The following FSTL4 variants were observed in gnomAD, a reference collection of about 807,000 sequenced individuals.
The protein encoded by FSTL4 is follistatin like 4, also known as follistatin-related protein 4.
FSTL4 carries 28 observed loss-of-function variants against 78.2 expected under a neutral mutation model. The observed-to-expected ratio is 0.36, with a 90% CI of 0.27 to 0.49. The LOEUF is 0.49. FSTL4 is among the 20% of genes least tolerant of loss of function. The pLI, the probability that FSTL4 is intolerant of heterozygous loss-of-function variation, is 0.98. For synonymous variants in FSTL4, 422 were observed against 440.5 expected, an observed-to-expected ratio of 0.96 and a Z score of 0.53; for missense variants, 922 against 1,084.9, an observed-to-expected ratio of 0.85 and a Z score of 2.11.
chr5:133,312,280 G>A, intron 6 of FSTL4: 1 of 184,890 alleles, frequency 5.4e-6, no homozygotes, highest in East Asian at 1.5e-4. Flanking sequence ...TTTTCTCCAG[G>A]TAGGGCTCCC....
intron 3 of FSTL4, among the ~76,000 whole-genome samples, chr5:133,478,813 G>T (rs1406432399): frequency 6.6e-6 from 1 of 152,108 alleles, no homozygotes; most frequent in Admixed American, 6.5e-5. Flanking sequence ...ATTGCTAAAT[G>T]GAAAGGAGGG....
intron 7 of FSTL4, among the ~76,000 whole-genome samples, chr5:133,238,365 A>T (rs530918447): frequency 1.3e-5 from 2 of 152,192 alleles, no homozygotes; most frequent in Non-Finnish European, 2.9e-5. Flanking sequence ...CAATCCTTCA[A>T]TTCTGGCCCC....
At chr5:133,421,911 T>C (rs1580698144) in intron 3 of FSTL4, among the ~76,000 whole-genome samples, 1 of 151,958 alleles carries the variant, frequency 6.6e-6, no homozygotes, top group Non-Finnish European at 1.5e-5. Flanking sequence ...AGGCGGGAAG[T>C]GATAAGTACC....
chr5:133,621,138 T>C, the FSTL4 span, among the ~76,000 whole-genome samples: 4 of 152,274 alleles, frequency 2.6e-5, no homozygotes, highest in South Asian at 2.1e-4. Context: ...TGGTGGCTCA[T>C]GCCTGTAATC....
intron 3 of FSTL4, among the ~76,000 whole-genome samples, chr5:133,492,137 C>T (rs1758278553): frequency 6.6e-6 from 1 of 152,110 alleles, no homozygotes; most frequent in Non-Finnish European, 1.5e-5. Context: ...GACTTAACGC[C>T]TAAAGTTTTT....
chr5:133,839,522 A>T, the FSTL4 span, among the ~76,000 whole-genome samples: 1 of 146,586 alleles, frequency 6.8e-6, no homozygotes, highest in Non-Finnish European at 1.5e-5. Flanking sequence ...TTAATGACAG[A>T]AAGTGGGTTG....
the FSTL4 span, among the ~76,000 whole-genome samples, chr5:133,768,425 C>A: frequency 6.6e-6 from 1 of 152,140 alleles, no homozygotes; most frequent in Non-Finnish European, 1.5e-5. Flanking sequence ...GCTCCATGAA[C>A]CTATGAAGGA....
intron 6 of FSTL4, among the ~76,000 whole-genome samples, chr5:133,311,691 C>A (rs188702752): frequency 1.3e-5 from 2 of 152,180 alleles, no homozygotes; most frequent in Non-Finnish European, 2.9e-5. Flanking sequence ...GGGAGGATAC[C>A]AGGCTCTGTG....
intron 6 of FSTL4, among the ~76,000 whole-genome samples, chr5:133,285,391 G>T (rs1014974485): frequency 6.6e-6 from 1 of 152,202 alleles, no homozygotes. Flanking sequence ...GTTCAGTCAG[G>T]TGCCAGCTGG....
At chr5:133,772,531 T>A in the FSTL4 span, among the ~76,000 whole-genome samples, 2 of 152,174 alleles carry the variant, frequency 1.3e-5, no homozygotes, top group Non-Finnish European at 2.9e-5. Flanking sequence ...GAGTAATTTA[T>A]GATGAACAGA....
At chr5:133,642,515 A>G in the FSTL4 span, among the ~76,000 whole-genome samples, 2 of 152,184 alleles carry the variant, frequency 1.3e-5, no homozygotes, top group South Asian at 4.1e-4. Flanking sequence ...TCCATGATAC[A>G]TGATCCTTAA....
At chr5:133,265,531 G>A (rs1752623758) in intron 6 of FSTL4, among the ~76,000 whole-genome samples, 1 of 152,256 alleles carries the variant, frequency 6.6e-6, no homozygotes, top group African/African-American at 2.4e-5. Flanking sequence ...CTCTGGGGCA[G>A]GGGTGGGGCA....
chr5:133,751,381 A>G, the FSTL4 span, among the ~76,000 whole-genome samples: 1 of 152,246 alleles, frequency 6.6e-6, no homozygotes, highest in Admixed American at 6.5e-5. Flanking sequence ...TTGTCATTCC[A>G]GTGGCCTAGT....
chr5:133,425,846 C>A (rs1756801895), intron 3 of FSTL4, among the ~76,000 whole-genome samples: 1 of 152,182 alleles, frequency 6.6e-6, no homozygotes, highest in Non-Finnish European at 1.5e-5. Context: ...TTGTCCACTG[C>A]ACGATAAGCC....
At chr5:133,560,547 T>A (rs1401639573) in intron 3 of FSTL4, among the ~76,000 whole-genome samples, 1 of 152,016 alleles carries the variant, frequency 6.6e-6, no homozygotes, top group Non-Finnish European at 1.5e-5. Context: ...GTATTTTTAG[T>A]AGAGACGGGG....
At position 133,217,441 on chromosome 5, in the gene FSTL4, T is replaced by C. The variant is rs559317758; in HGVS notation, c.1459-63A>G. 39 of 1,482,772 alleles carry C rather than the reference T, an allele frequency of 2.6e-5. No individual in the cohort carries two copies. In the South Asian group the frequency reaches 4.4e-4, roughly 17 times the overall value. 91.9% of individuals were successfully genotyped at this position (1,482,772 alleles called of 1,614,324 possible). On this transcript the variant is annotated intron_variant, in intron 12 of 15. Transcript: ENST00000265342. ...GCCCTTTCCCTCCAACATCTCTAGG[T>C]ACTCTCTCCCCTGACCCTCCTCTGT... is the stretch of plus-strand genomic sequence containing the variant.
chr5:133,679,011 A>G, the FSTL4 span, among the ~76,000 whole-genome samples: 1 of 152,216 alleles, frequency 6.6e-6, no homozygotes, highest in African/African-American at 2.4e-5. Flanking sequence ...AAATCTGCTC[A>G]GCAACATAGC....
At chr5:133,734,699 C>A in the FSTL4 span, among the ~76,000 whole-genome samples, 1 of 152,116 alleles carries the variant, frequency 6.6e-6, no homozygotes, top group South Asian at 2.1e-4. Context: ...CGTGGTGAGC[C>A]CTTTCAATTT....
intron 6 of FSTL4, among the ~76,000 whole-genome samples, chr5:133,289,399 G>C (rs1323661834): frequency 6.6e-6 from 1 of 152,210 alleles, no homozygotes; most frequent in Non-Finnish European, 1.5e-5. Flanking sequence ...AGGAAGCCCA[G>C]ATGGTTCCAC....
Sources: allele counts gnomAD v4.1 joint callset (sites outside exome capture counted in the v4.1 genomes callset), GRCh38; gene constraint gnomAD v4.1.1; transcripts MANE v1.5; gene names NCBI Gene and HGNC (gene_info 2026-07-23, HGNC 2026-07-21).